The following KNOP1 variants were observed in gnomAD, a reference collection of about 807,000 sequenced individuals.
KNOP1 encodes the protein lysine rich nucleolar protein 1, also known as lysine-rich nucleolar protein 1.
KNOP1 carries 20 observed loss-of-function variants against 30.6 expected under a neutral mutation model. The observed-to-expected ratio is 0.65, with a 90% CI of 0.46 to 0.95. The LOEUF (loss-of-function observed/expected upper bound fraction) is 0.95. KNOP1 is among the 40% of genes least tolerant of loss of function. The pLI is 0.00. For missense variants in KNOP1, 540 were observed against 562.0 expected (o/e 0.96, Z 0.40); for synonymous variants, 204 against 210.0 (o/e 0.97, Z 0.25).
Position 19,714,121 on chromosome 16 carries a change from C to T in KNOP1, c.915G>A (p.Lys305=), listed in dbSNP as rs1266156046. 1 of 1,606,098 alleles carries T rather than the reference C, an allele frequency of 6.2e-7. No homozygotes were observed. Among genetic ancestry groups the T allele is most frequent in the Non-Finnish European group, 8.5e-7 (1 of 1,177,862 alleles). The change falls in exon 2 of 5, where the codon AAG becomes AAA. Residue 305 remains lysine, a synonymous_variant. Transcript: ENST00000219837. The part of the protein sequence containing the change: ...KESGVAGDPW[K]EETDTDLEVV... ...CCATTTCTGAAGGAAAAACTACCTC[C>T]TTCCAAGGGTCTCCTGCTACCCCAC...
chr16:19,707,302 G>A, intron 4 of KNOP1, 81 bp from the exon 5 acceptor site: 2 of 1,153,540 alleles, frequency 1.7e-6, no homozygotes, highest in South Asian at 1.3e-5. Context: ...TCATCAGGGA[G>A]GGCCCAGCAG....
Position 19,706,931 on chromosome 16 carries a change from C to T in KNOP1, c.1356G>A (p.Lys452=), listed in dbSNP as rs572775433. ...KIFYIDRNAS[K]SVKLED ...GAGTTTAATCTTCCAGCTTGACTGA[C>T]TTGGAAGCGTTCCTGTCAATGTAAA... Residue 452 remains lysine, a synonymous_variant, in exon 5 of 5, where the codon AAG becomes AAA. Transcript: ENST00000219837. 40 of 1,612,686 alleles carry T rather than the reference C, an allele frequency of 2.5e-5. No individual in the cohort carries two copies. The South Asian group carries it at 4.4e-4, about 18-fold the overall frequency.
chr16:19,716,126 G>A (rs549064797), intron 1 of KNOP1, among the ~76,000 whole-genome samples: 14 of 152,246 alleles, frequency 9.2e-5, no homozygotes, highest in Non-Finnish European at 1.8e-4. Context: ...CACTCCAGGC[G>A]CACCTGGAGA....
chr16:19,716,246 G>C (rs1371952982), intron 1 of KNOP1, among the ~76,000 whole-genome samples: 2 of 152,210 alleles, frequency 1.3e-5, no homozygotes, highest in African/African-American at 4.8e-5. Context: ...CATACTCACT[G>C]AATGAATGCA....
At position 19,714,148 on chromosome 16, in the gene KNOP1, C is replaced by G; in HGVS notation, c.888G>C (p.Glu296Asp). The G allele has an allele frequency of 6.2e-7, 1 of 1,613,152 alleles. No individual in the cohort carries two copies. Among genetic ancestry groups the G allele is most frequent in the Non-Finnish European group, 8.5e-7 (1 of 1,179,818 alleles). ...LKRKKKKKRK[E>D]SGVAGDPWKE... ...TCCAAGGGTCTCCTGCTACCCCACT[C>G]TCTTTCCTCTTCTTCTTTTTCTTCC... Residue 296 changes from glutamate (E) to aspartate (D), a missense_variant, in exon 2 of 5, where the codon GAG becomes GAC. Physicochemically the swap from Glu to Asp is conservative, Grantham distance 45 (BLOSUM62 2). Coordinates refer to ENST00000219837, the MANE Select transcript of KNOP1 (RefSeq NM_001012991.3).
intron 1 of KNOP1, chr16:19,717,646 A>T (rs1977239476): frequency 1.0e-6 from 1 of 985,998 alleles, no homozygotes. Context: ...GTTACAGTGC[A>T]TCTCCTGCAA....
At chr16:19,716,976 G>A (rs983494328) in intron 1 of KNOP1, among the ~76,000 whole-genome samples, 1 of 152,096 alleles carries the variant, frequency 6.6e-6, no homozygotes, top group Non-Finnish European at 1.5e-5. Context: ...CCGAGTAGCC[G>A]GGATTACAGG....
Position 19,704,922 on chromosome 16 carries a change from C to T in KNOP1, c.*1988G>A, listed in dbSNP as rs1434297252. 1 of 308,072 alleles carries T rather than the reference C, an allele frequency of 3.2e-6. No individual in the cohort carries two copies. Among genetic ancestry groups the T allele is most frequent in the Admixed American group, 4.2e-5 (1 of 23,530 alleles). The allele number at this position is 308,072 out of a possible 1,614,324, so 19.1% of individuals were successfully genotyped here. A position where few individuals can be genotyped will look rare whatever the true frequency, so the allele number is the denominator to read the frequency against. The stretch of plus-strand genomic sequence containing the variant: ...AAACTGCCTGAAGTGCCTGCCTCAC[C>T]TCTGCCCAATGGGCAGCTGTGGACA... On this transcript the variant is annotated 3_prime_UTR_variant, in exon 5 of 5. Transcript: ENST00000219837.
chr16:19,710,427 C>A, intron 4 of KNOP1, 82 bp downstream of exon 4: 1 of 1,379,152 alleles, frequency 7.3e-7, no homozygotes, highest in South Asian at 1.2e-5. Flanking sequence ...TTCTCCTGCT[C>A]CACTCCTCAT....
At position 19,714,953 on chromosome 16, in the gene KNOP1, C is replaced by T. The variant is rs11640454; in HGVS notation, c.83G>A (p.Arg28Gln). 0.18 allele frequency: 282,545 copies of T among 1,609,836 alleles called. 27,702 individuals carry two copies. Among genetic ancestry groups the T allele is most frequent in the Non-Finnish European group, 0.2 (235,703 of 1,178,546 alleles). The change falls in exon 2 of 5, where the codon CGA becomes CAA. Residue 28 changes from arginine (R) to glutamine (Q), a missense_variant. Coordinates refer to ENST00000219837, the MANE Select transcript of KNOP1 (RefSeq NM_001012991.3). ...KKKVVKEPET[R>Q]YSVLNNDDYF... ...ATCATCATTGTTTAAAACTGAGTAT[C>T]GAGTCTCTGGTTCTTTGACCACTTT...
In KNOP1 at chr16:19,703,921, G is replaced by A. The variant is rs975195432; in HGVS notation, c.*2989C>T. ...GTGCAAATGGAACTCCTAAGCCAGT[G>A]GTGATGTTGAGTTAGAAAGTCACAG... On this transcript the variant is annotated 3_prime_UTR_variant, in exon 5 of 5. Transcript: ENST00000219837. 1.1e-4 allele frequency: 17 copies of A among 152,164 alleles called. No individual in the cohort carries two copies. Among genetic ancestry groups the A allele is most frequent in the Non-Finnish European group, 2.4e-4 (16 of 68,048 alleles). The allele number at this position is 152,164 out of a possible 1,614,324, so 9.4% of individuals were successfully genotyped here. A position where few individuals can be genotyped will look rare whatever the true frequency, so the allele number is the denominator to read the frequency against.
At position 19,714,703 on chromosome 16, in the gene KNOP1, AC is replaced by A. The variant is rs748110675; in HGVS notation, c.332del (p.Ser111MetfsTer11). 1.2e-6 allele frequency: 2 copies of A among 1,613,814 alleles called. No individual in the cohort carries two copies. The highest frequency in any genetic ancestry group is 1.7e-6 in the Non-Finnish European group (2 of 1,179,954). On this transcript the variant is annotated frameshift_variant, in exon 2 of 5. Coordinates refer to ENST00000219837, the MANE Select transcript of KNOP1 (RefSeq NM_001012991.3). LOFTEE classifies it high-confidence loss of function. ...GTGACTTCTTATTTTTCTTTTCCCC[AC>A]TGAGGAACTCCAAGTGGCCAAACAC... ...KQVFGHLEFL[S>X]GEKKNKKSPL...
chr16:19,711,259 A>G, intron 3 of KNOP1, 113 bp downstream of exon 3: 1 of 1,025,198 alleles, frequency 9.8e-7, no homozygotes, highest in Admixed American at 1.8e-5. Context: ...TGGCCTCTGG[A>G]GTCCCTGGTG....
At chr16:19,713,297 T>C (rs1047592789) in intron 2 of KNOP1, among the ~76,000 whole-genome samples, 25 of 152,166 alleles carry the variant, frequency 1.6e-4, no homozygotes, top group African/African-American at 5.8e-4. Context: ...TTCACCATGT[T>C]GGCCAGGCTG....
At position 19,714,112 on chromosome 16, in the gene KNOP1, A is replaced by G. The variant is rs770005164; in HGVS notation, c.918+6T>C. Reference sequence around the variant, plus strand: ...CGGCAAAGTCCATTTCTGAAGGAAAAACTACCTCCTTCCAAGGGTCTCCTG... The same window carrying G: ...CGGCAAAGTCCATTTCTGAAGGAAAGACTACCTCCTTCCAAGGGTCTCCTG... On this transcript the variant is annotated splice_donor_region_variant and intron_variant, in intron 2 of 4. Transcript: ENST00000219837. 2 of 1,602,190 alleles carry G rather than the reference A, an allele frequency of 1.2e-6. No individual in the cohort carries two copies. The highest frequency in any genetic ancestry group is 3.5e-5 in the Admixed American group (2 of 56,980).
rs539413096 is a variant in KNOP1, at chr16:19,703,870, T to C, written c.*3040A>G. On this transcript the variant is annotated 3_prime_UTR_variant, in exon 5 of 5. Transcript: ENST00000219837. ...TGGTGAGACGTAAAGTTCTTATGTA[T>C]ATAGAAAAGCAATAAAGCTCCCCCT... 6.6e-6 allele frequency: 1 copy of C among 152,142 alleles called. No homozygotes were observed. Among genetic ancestry groups the C allele is most frequent in the Non-Finnish European group, 1.5e-5 (1 of 68,064 alleles). The allele number at this position is 152,142 out of a possible 1,614,324, so 9.4% of individuals were successfully genotyped here.
chr16:19,714,317 C>G lies in KNOP1; in HGVS notation c.719G>C (p.Arg240Thr). The change falls in exon 2 of 5, where the codon AGG (arginine) becomes ACG (threonine). Residue 240 changes from arginine to threonine, a missense_variant. Transcript: ENST00000219837. Reference sequence around the variant, plus strand: ...GACTGGCTTCTTTTTACTTCCTTTCCTAGGGCTGCTCTCCATGGACCTGGA... The same window carrying G: ...GACTGGCTTCTTTTTACTTCCTTTCGTAGGGCTGCTCTCCATGGACCTGGA... ...KPSRSMESSP[R>T]KGSKKKPVKV... The G allele has an allele frequency of 6.2e-7, 1 of 1,614,090 alleles. No individual in the cohort carries two copies. Among genetic ancestry groups the G allele is most frequent in the Non-Finnish European group, 8.5e-7 (1 of 1,179,988 alleles).
At chr16:19,710,873 C>G (rs374656268) in intron 3 of KNOP1, among the ~76,000 whole-genome samples, 1 of 146,888 alleles carries the variant, frequency 6.8e-6, no homozygotes, top group Admixed American at 7.0e-5. Flanking sequence ...GATCACGCCA[C>G]GGCACTCCAG....
intron 1 of KNOP1, chr16:19,717,887 G>T: frequency 9.4e-7 from 1 of 1,059,690 alleles, no homozygotes; most frequent in Admixed American, 5.1e-5. Context: ...CGGGAGCCAG[G>T]AAGTAAGATC....
Sources: gnomAD v4.1 joint callset for allele counts (sites outside exome capture counted in the v4.1 genomes callset) on GRCh38, gnomAD v4.1.1 for gene constraint, MANE v1.5 for transcripts, NCBI Gene and HGNC (gene_info 2026-07-23, HGNC 2026-07-21) for gene names.